Variants in ERMARD observed in about 807,000 individuals in gnomAD.
ERMARD encodes ER membrane associated RNA degradation, also known as endoplasmic reticulum membrane-associated RNA degradation protein.
In ERMARD, 71 loss-of-function variants were observed where a neutral mutation model predicts 83.9. The ratio of observed to expected loss-of-function variants is 0.85; its 90% CI spans 0.70 to 1.03. The LOEUF is 1.03. Among genes scored for constraint, ERMARD ranks in the 50% least tolerant of loss-of-function variants. The pLI is 0.00. For synonymous variants in ERMARD, 284 were observed against 298.6 expected (o/e 0.95, Z 0.50); for missense variants, 838 against 810.9 (o/e 1.03, Z -0.41).
At chr6:169,775,610 T>G (rs1490109737) in intron 14 of ERMARD, among the ~76,000 whole-genome samples, 1 of 151,662 alleles carries the variant, frequency 6.6e-6, no homozygotes, top group Non-Finnish European at 1.5e-5. Context: ...GTACCCTGAG[T>G]AGATAGGAAG....
chr6:169,763,982 G>T (rs972739744), intron 9 of ERMARD, among the ~76,000 whole-genome samples: 1 of 152,184 alleles, frequency 6.6e-6, no homozygotes, highest in African/African-American at 2.4e-5. Flanking sequence ...TTTCAGAAAG[G>T]CGTTGTTTCC....
At chr6:169,777,319 T>C (rs1793717671) in intron 16 of ERMARD, among the ~76,000 whole-genome samples, 1 of 152,226 alleles carries the variant, frequency 6.6e-6, no homozygotes, top group Non-Finnish European at 1.5e-5. Context: ...AGCAGAACTC[T>C]TTCAGGGTAA....
In ERMARD at chr6:169,759,027, A is replaced by T. The variant is rs754178113; in HGVS notation, c.567A>T (p.Leu189Phe). ...GTGGTCTCAACCTGCGTAACGTCTT[A>T]TGGCATGGGTTTGCGTCACCTGAAG... ...SPCGLNLRNV[L>F]WHGFASPEEI... Residue 189 changes from leucine to phenylalanine, a missense_variant, in exon 6 of 18, where the codon TTA becomes TTT. Coordinates refer to ENST00000366773, the MANE Select transcript of ERMARD (RefSeq NM_018341.3). The T allele has an allele frequency of 2.5e-6, 4 of 1,614,056 alleles. No homozygotes were observed. In the South Asian group the frequency reaches 4.4e-5, roughly 18 times the overall value.
chr6:169,756,256 G>A, intron 3 of ERMARD, 82 bp from the exon 4 acceptor site: 1 of 780,986 alleles, frequency 1.3e-6, no homozygotes, highest in Non-Finnish European at 2.0e-6. Context: ...ATCTCTCGAG[G>A]TTTGAATTTC....
chr6:169,756,044 T>C (rs566937465), intron 3 of ERMARD, among the ~76,000 whole-genome samples: 2 of 152,296 alleles, frequency 1.3e-5, no homozygotes, highest in South Asian at 4.1e-4. Flanking sequence ...CTCAGCCAAA[T>C]CAAAAGGAGA....
upstream of ERMARD, chr6:169,751,541 G>T: frequency 6.2e-7 from 1 of 1,610,684 alleles, no homozygotes; most frequent in Non-Finnish European, 8.5e-7. Context: ...GAGGGCGGAA[G>T]TCTCCCACCT....
In ERMARD at chr6:169,773,327, A is replaced by T. The variant is rs1793193625; in HGVS notation, c.1242A>T (p.Ser414=). Residue 414 remains serine (S), a synonymous_variant, in exon 13 of 18, where the codon TCA becomes TCT. Transcript: ENST00000366773. ...DCLLSVFKEK[S]AVELLISLAE... The stretch of plus-strand genomic sequence containing the variant: ...TGTTTTCTCTGCACTAGGAAAAATC[A>T]GCCGTAGAATTGTTGATTAGTCTTG... 1 of 1,614,056 alleles carries T rather than the reference A, an allele frequency of 6.2e-7. No homozygotes were observed.
chr6:169,767,977 C>T (rs1469762821), intron 10 of ERMARD, 126 bp from the exon 11 acceptor site: 1 of 692,130 alleles, frequency 1.4e-6, no homozygotes, highest in Non-Finnish European at 2.5e-6. Flanking sequence ...TAAAGACTGT[C>T]CATTTAATTT....
intron 12 of ERMARD, among the ~76,000 whole-genome samples, chr6:169,769,931 C>T (rs1344614398): frequency 6.6e-6 from 1 of 152,120 alleles, no homozygotes; most frequent in South Asian, 2.1e-4. Context: ...TAACTCGTTT[C>T]TTAAAAACAC....
At chr6:169,751,542 T>C (rs1005867945), upstream of ERMARD, 4 of 1,610,336 alleles carry the variant, frequency 2.5e-6, no homozygotes, top group Non-Finnish European at 3.4e-6. Context: ...AGGGCGGAAG[T>C]CTCCCACCTG....
intron 8 of ERMARD, 37 bp downstream of exon 8, chr6:169,760,793 G>T: frequency 7.1e-7 from 1 of 1,408,560 alleles, no homozygotes; most frequent in Non-Finnish European, 9.9e-7. Flanking sequence ...GTTTGCAGTG[G>T]TTGGAGGCCA....
Position 169,781,330 on chromosome 6 carries a change from G to T in ERMARD, c.1854G>T (p.Lys618Asn). The change falls in exon 18 of 18, where the codon AAG becomes AAT. Residue 618 changes from lysine to asparagine, a missense_variant and splice_region_variant. Physicochemically the swap from Lys to Asn is moderately conservative, Grantham distance 94 (BLOSUM62 0). Transcript: ENST00000366773. The part of the protein sequence containing the change: ...KNAHEYQQYL[K>N]FVKSILQYTE... Reference sequence around the variant, plus strand: ...AAAGAAATTAATTTTTTTTTTACAGGTTTGTAAAGTCGATCTTGCAGTACA... The same window carrying T: ...AAAGAAATTAATTTTTTTTTTACAGTTTTGTAAAGTCGATCTTGCAGTACA... 4 of 1,592,818 alleles carry T rather than the reference G, an allele frequency of 2.5e-6. No individual in the cohort carries two copies. The highest frequency in any genetic ancestry group is 3.4e-6 in the Non-Finnish European group (4 of 1,174,320).
chr6:169,761,688 T>C (rs1385351976), intron 8 of ERMARD, among the ~76,000 whole-genome samples: 1 of 152,130 alleles, frequency 6.6e-6, no homozygotes, highest in African/African-American at 2.4e-5. Context: ...TGTTTTGTTT[T>C]GTTTTGTTTT....
chr6:169,776,659 G>T lies in ERMARD; in HGVS notation c.1725G>T (p.Leu575=). The T allele has an allele frequency of 6.2e-7, 1 of 1,613,790 alleles. No individual in the cohort carries two copies. Among genetic ancestry groups the T allele is most frequent in the South Asian group, 1.1e-5 (1 of 91,066 alleles). ...TLRSRQRQNY[L]RMWSSIRLLS... The stretch of plus-strand genomic sequence containing the variant: ...GGTCTCGCCAGCGGCAGAACTACCT[G>T]CGTATGTGGAGTAGGTGCGCGCTCA... Residue 575 remains leucine, a synonymous_variant, in exon 16 of 18, where the codon CTG becomes CTT. Coordinates refer to ENST00000366773, the MANE Select transcript of ERMARD (RefSeq NM_018341.3).
intron 5 of ERMARD, among the ~76,000 whole-genome samples, chr6:169,757,334 A>G (rs1790942012): frequency 6.6e-6 from 1 of 152,204 alleles, no homozygotes; most frequent in Non-Finnish European, 1.5e-5. Context: ...CTCCTCCAGC[A>G]CATAGAAAGC....
chr6:169,775,407 G>C, intron 14 of ERMARD, 61 bp downstream of exon 14: 1 of 1,560,062 alleles, frequency 6.4e-7, no homozygotes, highest in Non-Finnish European at 8.8e-7. Flanking sequence ...AGTTTCAGCA[G>C]CATTTCTTCT....
At chr6:169,764,712 T>C (rs1791983953) in intron 9 of ERMARD, among the ~76,000 whole-genome samples, 1 of 152,234 alleles carries the variant, frequency 6.6e-6, no homozygotes, top group African/African-American at 2.4e-5. Context: ...GTTCTAACCC[T>C]GCCCTCCTCT....
chr6:169,755,481 G>A lies in ERMARD; in HGVS notation c.315+59G>A, dbSNP rs890534544. ...ACTGTGCGAATACTACTTAGAGGAC[G>A]TACTATTTGCCAATTTTAAAGGGGC... On this transcript the variant is annotated intron_variant, in intron 3 of 17. Coordinates refer to ENST00000366773, the MANE Select transcript of ERMARD (RefSeq NM_018341.3). The A allele has an allele frequency of 2.1e-5, 33 of 1,585,554 alleles. 1 individual carries two copies. The highest frequency in any genetic ancestry group is 9.5e-5 in the African/African-American group (7 of 73,666).
chr6:169,779,932 C>T (rs990089534), intron 17 of ERMARD, among the ~76,000 whole-genome samples: 1 of 152,250 alleles, frequency 6.6e-6, no homozygotes, highest in Non-Finnish European at 1.5e-5. Flanking sequence ...GTCAAACAAG[C>T]TGTCAATCTG....
Sources: gnomAD v4.1 joint callset for allele counts (sites outside exome capture counted in the v4.1 genomes callset) on GRCh38, gnomAD v4.1.1 for gene constraint, MANE v1.5 for transcripts, NCBI Gene and HGNC (gene_info 2026-07-23, HGNC 2026-07-21) for gene names.